The following GNAS variants were observed in gnomAD, a reference collection of about 807,000 sequenced individuals.
GNAS encodes the protein protein ALEX.
Under a neutral mutation model 54.5 loss-of-function variants are expected in GNAS, and 8 were observed. That is an observed-to-expected ratio of 0.15 (90% CI 0.09 to 0.26). The LOEUF is 0.26. GNAS is among the 10% of genes least tolerant of loss of function. The probability of loss-of-function intolerance (pLI) is 1.00; values close to 1 mark genes in which losing one functional copy is unlikely to be tolerated. For missense variants in GNAS, 170 were observed against 529.8 expected, an observed-to-expected ratio of 0.32 and a Z score of 6.67; for synonymous variants, 204 against 191.4, an observed-to-expected ratio of 1.07 and a Z score of -0.54.
At chr20:58,886,461 T>C (rs529524660), upstream of GNAS, among the ~76,000 whole-genome samples, 1 of 152,282 alleles carries the variant, frequency 6.6e-6, no homozygotes, top group South Asian at 2.1e-4. Context: ...GAAATCTCCA[T>C]AACTCCCTTC....
chr20:58,878,839 C>T (rs564537630), intron 1 of GNAS, among the ~76,000 whole-genome samples: 6 of 146,890 alleles, frequency 4.1e-5, no homozygotes, highest in South Asian at 2.3e-4. Flanking sequence ...GGCTTATGAC[C>T]GCGTGGCTGC....
At chr20:58,899,382 T>A in intron 3 of GNAS, 1 of 521,676 alleles carries the variant, frequency 1.9e-6, no homozygotes, top group Non-Finnish European at 3.7e-6. Flanking sequence ...ATTTTAAAAT[T>A]TCAGACCTCT....
intron 1 of GNAS, among the ~76,000 whole-genome samples, chr20:58,875,497 T>C (rs908003346): frequency 5.3e-5 from 8 of 152,226 alleles, no homozygotes; most frequent in African/African-American, 1.7e-4. Flanking sequence ...ATTTGGGCAG[T>C]CACCCCCTCC....
chr20:58,895,527 AAAAAC>A (rs2089963102), intron 1 of GNAS, 80 bp from the exon 2 acceptor site: 3 of 842,308 alleles, frequency 3.6e-6, no homozygotes, highest in South Asian at 1.4e-5. Flanking sequence ...GCTTCTATGG[AAAAAC>A]AAAACAACAA....
At chr20:58,890,991 G>GGGAGGGGGA (rs2089180909), upstream of GNAS, among the ~76,000 whole-genome samples, 1 of 150,528 alleles carries the variant, frequency 6.6e-6, no homozygotes, top group African/African-American at 2.4e-5. Context: ...CGGCGCCCGC[G>GGGAGGGGGA]GGAGGGGGAG....
chr20:58,899,125 A>G, intron 3 of GNAS, 140 bp downstream of exon 3: 1 of 758,274 alleles, frequency 1.3e-6, no homozygotes, highest in Non-Finnish European at 2.3e-6. Flanking sequence ...TACATTTGTG[A>G]ATAACACACA....
chr20:58,891,633 G>T lies in GNAS; in HGVS notation c.-94G>T. On this transcript the variant is annotated 5_prime_UTR_variant, in exon 1 of 13. Coordinates refer to ENST00000371085, the MANE Select transcript of GNAS (RefSeq NM_000516.7). ...AGCCGAGCCCGCGCCCGGCCCGCCC[G>T]CCCGGCGCTGCCCCGGCCCTCCCGG... The T allele has an allele frequency of 3.1e-6, 3 of 966,376 alleles. No homozygotes were observed. The South Asian group carries it at 1.4e-4, about 46-fold the overall frequency. 59.9% of individuals were successfully genotyped at this position (966,376 alleles called of 1,614,324 possible).
At chr20:58,865,055 A>G (rs1457631378) in intron 1 of GNAS, among the ~76,000 whole-genome samples, 27 of 152,082 alleles carry the variant, frequency 1.8e-4, no homozygotes, top group Admixed American at 1.3e-3. Context: ...CTACTGCCCT[A>G]ACATCATCAG....
intron 1 of GNAS, among the ~76,000 whole-genome samples, chr20:58,878,128 C>T (rs563494490): frequency 9.9e-5 from 15 of 152,144 alleles, no homozygotes; most frequent in Admixed American, 6.6e-5. Flanking sequence ...TGCAGACTTA[C>T]GCAGAGCACA....
chr20:58,860,877 G>C (rs2086747745), intron 1 of GNAS, among the ~76,000 whole-genome samples: 1 of 152,176 alleles, frequency 6.6e-6, no homozygotes, highest in African/African-American at 2.4e-5. Flanking sequence ...GGCCAGGATG[G>C]TCTGGAAATC....
At chr20:58,874,535 T>C (rs1022776973) in intron 1 of GNAS, among the ~76,000 whole-genome samples, 2 of 152,256 alleles carry the variant, frequency 1.3e-5, no homozygotes, top group Non-Finnish European at 2.9e-5. Context: ...TCCTCCATCT[T>C]AGCTCCAACC....
chr20:58,841,672 G>A lies in GNAS; in HGVS notation c.43+786G>A, dbSNP rs532498082. Reference sequence around the variant, plus strand: ...GGGCGGTTAGGGGAAAGTACCTGGGGGAAAGGTAGAGGAGGTAAGGGGACC... The same window carrying A: ...GGGCGGTTAGGGGAAAGTACCTGGGAGAAAGGTAGAGGAGGTAAGGGGACC... On this transcript the variant is annotated intron_variant, in intron 1 of 12. Transcript: ENST00000306090. The surrounding 1 kb of genome is among the most constrained non-coding windows in gnomAD (Gnocchi z 5.0). 9.1e-5 allele frequency: 106 copies of A among 1,169,066 alleles called. 2 individuals carry two copies. The South Asian group carries it at 3.9e-3, about 43-fold the overall frequency. 72.4% of individuals were successfully genotyped at this position (1,169,066 alleles called of 1,614,324 possible).
rs887195993 is a variant in GNAS, at chr20:58,841,023, G to T, written c.43+137G>T. ...TCAGCTGGTCAGCCTGGGATCGGGGGTCAGGGTGAGGCGGCGAGGGCTCCC... is the reference window on the plus strand; with the variant it reads ...TCAGCTGGTCAGCCTGGGATCGGGGTTCAGGGTGAGGCGGCGAGGGCTCCC... On this transcript the variant is annotated intron_variant, in intron 1 of 12. Coordinates refer to the GNAS transcript ENST00000306090. The surrounding 1 kb of genome is among the most constrained non-coding windows in gnomAD (Gnocchi z 5.0). 7 of 1,025,970 alleles carry T rather than the reference G, an allele frequency of 6.8e-6. No individual in the cohort carries two copies. Among genetic ancestry groups the T allele is most frequent in the Non-Finnish European group, 1.0e-5 (7 of 698,466 alleles). The allele number at this position is 1,025,970 out of a possible 1,614,324, so 63.6% of individuals were successfully genotyped here.
At chr20:58,896,905 A>T (rs1030498723) in intron 2 of GNAS, among the ~76,000 whole-genome samples, 1 of 152,180 alleles carries the variant, frequency 6.6e-6, no homozygotes, top group Non-Finnish European at 1.5e-5. Context: ...AAAACAAACA[A>T]AAAAACCTTT....
intron 1 of GNAS, among the ~76,000 whole-genome samples, chr20:58,845,859 G>C (rs2085922131): frequency 6.6e-6 from 1 of 152,244 alleles, no homozygotes; most frequent in South Asian, 2.1e-4. Context: ...TCAGCCAGCA[G>C]AGGCAGGACT....
At chr20:58,869,675 T>C (rs2087305075) in intron 1 of GNAS, among the ~76,000 whole-genome samples, 1 of 152,242 alleles carries the variant, frequency 6.6e-6, no homozygotes, top group Non-Finnish European at 1.5e-5. Flanking sequence ...TTTCCATTCA[T>C]GCAAGTATCA....
chr20:58,882,061 T>C (rs1195346537), intron 1 of GNAS, among the ~76,000 whole-genome samples: 1 of 152,182 alleles, frequency 6.6e-6, no homozygotes, highest in African/African-American at 2.4e-5. Context: ...CTTTTTTGTT[T>C]GTTTGTGTTT....
intron 1 of GNAS, chr20:58,864,277 A>AAAGC (rs1221109729): frequency 6.6e-6 from 1 of 152,246 alleles, no homozygotes; most frequent in Non-Finnish European, 1.5e-5. Flanking sequence ...ATTTAAGCAG[A>AAAGC]AAGCCCTGTG....
At chr20:58,842,315 G>A (rs2085770319) in intron 1 of GNAS, 3 of 397,816 alleles carry the variant, frequency 7.5e-6, no homozygotes, top group Admixed American at 4.4e-5. Flanking sequence ...ATTTTGCGCC[G>A]GCTTAATTAT....
Sources: allele counts gnomAD v4.1 joint callset (sites outside exome capture counted in the v4.1 genomes callset), GRCh38; gene constraint gnomAD v4.1.1; non-coding constraint Gnocchi (gnomAD v3.1); transcripts MANE v1.5; gene names NCBI Gene and HGNC (gene_info 2026-07-23, HGNC 2026-07-21).